The following NAALADL2 variants were observed in gnomAD, a reference collection of about 807,000 sequenced individuals.
The protein encoded by NAALADL2 is inactive N-acetylated-alpha-linked acidic dipeptidase-like protein 2.
Under a neutral mutation model 87.2 loss-of-function variants are expected in NAALADL2, and 76 were observed. The observed-to-expected ratio is 0.87, with a 90% CI of 0.72 to 1.05. The LOEUF (loss-of-function observed/expected upper bound fraction) is 1.05, where lower values mean the gene tolerates loss of function less well. NAALADL2 is among the 50% of genes least tolerant of loss of function. NAALADL2 has a pLI of 0.00. For missense variants in NAALADL2, 1,089 were observed against 945.8 expected, an observed-to-expected ratio of 1.15 and a Z score of -1.99; for synonymous variants, 354 against 331.0, an observed-to-expected ratio of 1.07 and a Z score of -0.75.
intron 12 of NAALADL2, among the ~76,000 whole-genome samples, chr3:175,754,717 A>C (rs1747036160): frequency 6.6e-6 from 1 of 152,218 alleles, no homozygotes; most frequent in South Asian, 2.1e-4. Flanking sequence ...CAGAAAGATC[A>C]AACTTCTAAT....
At chr3:175,623,021 A>C (rs1481001116) in intron 10 of NAALADL2, among the ~76,000 whole-genome samples, 1 of 152,086 alleles carries the variant, frequency 6.6e-6, no homozygotes. Context: ...ATTTAGATGA[A>C]ATAGACAAAT....
chr3:175,201,927 G>T (rs1265418019), intron 2 of NAALADL2, among the ~76,000 whole-genome samples: 2 of 151,996 alleles, frequency 1.3e-5, no homozygotes, highest in Non-Finnish European at 2.9e-5. Context: ...GAATACACTT[G>T]ATTTTATCAA....
chr3:174,629,308 G>A (rs1471740619), intron 2 of NAALADL2, among the ~76,000 whole-genome samples: 1 of 152,192 alleles, frequency 6.6e-6, no homozygotes, highest in Non-Finnish European at 1.5e-5. Flanking sequence ...ATGCCCTTAT[G>A]ATGAGGTCTG....
Position 174,468,948 on chromosome 3 carries a change from T to G in NAALADL2, c.-184+27916T>G, listed in dbSNP as rs1475226804. The stretch of plus-strand genomic sequence containing the variant: ...TGGCTAAATTTTGTACTTGTAGTAG[T>G]GACGGGGTTTCACCATGTTGGCCAG... On this transcript the variant is annotated intron_variant, in intron 1 of 3. Transcript: ENST00000434257. Among the ~76,000 whole-genome samples the G allele has an allele frequency of 2.0e-5, 3 of 148,400 alleles. No individual in the cohort carries two copies. In the East Asian group the frequency reaches 6.2e-4, roughly 31 times the overall value.
At chr3:174,651,374 G>A (rs987054797) in intron 2 of NAALADL2, among the ~76,000 whole-genome samples, 1 of 152,118 alleles carries the variant, frequency 6.6e-6, no homozygotes, top group African/African-American at 2.4e-5. Flanking sequence ...ACTTGGAGTG[G>A]ATACATGCTA....
intron 1 of NAALADL2, among the ~76,000 whole-genome samples, chr3:174,980,680 A>T (rs746163187): frequency 5.9e-5 from 9 of 152,214 alleles, no homozygotes; most frequent in Admixed American, 5.2e-4. Flanking sequence ...TTTTTAAATT[A>T]GAATATTTGT....
chr3:175,225,689 G>T (rs1384215786), intron 2 of NAALADL2, among the ~76,000 whole-genome samples: 1 of 151,864 alleles, frequency 6.6e-6, no homozygotes, highest in Non-Finnish European at 1.5e-5. Context: ...TCACTTACTT[G>T]AAAAAAATAG....
intron 10 of NAALADL2, among the ~76,000 whole-genome samples, chr3:175,626,334 T>C (rs941101507): frequency 6.6e-6 from 1 of 151,984 alleles, no homozygotes; most frequent in African/African-American, 2.4e-5. Flanking sequence ...ATTGAAAATA[T>C]GTCCATGTCA....
At chr3:174,721,105 T>TAA (rs1731671559) in intron 2 of NAALADL2, among the ~76,000 whole-genome samples, 1 of 151,692 alleles carries the variant, frequency 6.6e-6, no homozygotes, top group Non-Finnish European at 1.5e-5. Flanking sequence ...AATAATAAAA[T>TAA]GAGTACCCTA....
intron 1 of NAALADL2, among the ~76,000 whole-genome samples, chr3:174,962,379 T>TATATATATATATGTCATAGTGACTATGAC (rs1560417074): frequency 1.1e-4 from 11 of 102,588 alleles, no homozygotes; most frequent in African/African-American, 7.8e-4. Context: ...GACATATATA[T>TATATATATATATGTCATAGTGACTATGAC]ATATATATAT....
chr3:175,160,326 T>G (rs1434883110), intron 2 of NAALADL2, among the ~76,000 whole-genome samples: 3 of 148,300 alleles, frequency 2.0e-5, no homozygotes, highest in African/African-American at 7.3e-5. Flanking sequence ...AAGTAAAATT[T>G]TAAAAATATA....
At chr3:175,609,509 T>C (rs934771698) in intron 10 of NAALADL2, 14 of 152,162 alleles carry the variant, frequency 9.2e-5, no homozygotes, top group African/African-American at 3.4e-4. Flanking sequence ...TCGTAGCCAA[T>C]GAGGTTTATC....
intron 11 of NAALADL2, among the ~76,000 whole-genome samples, chr3:175,708,245 A>G (rs1740010881): frequency 6.6e-6 from 1 of 152,130 alleles, no homozygotes; most frequent in Non-Finnish European, 1.5e-5. Context: ...AAAGTTCCTG[A>G]AAAGTTGTGA....
chr3:174,578,392 T>C (rs1715785838), intron 2 of NAALADL2, among the ~76,000 whole-genome samples: 1 of 151,848 alleles, frequency 6.6e-6, no homozygotes, highest in Non-Finnish European at 1.5e-5. Context: ...ACATTATATA[T>C]AGAGAAAAGA....
At chr3:175,040,499 G>GT (rs1157938008) in intron 1 of NAALADL2, among the ~76,000 whole-genome samples, 1 of 152,138 alleles carries the variant, frequency 6.6e-6, no homozygotes, top group Non-Finnish European at 1.5e-5. Flanking sequence ...TCAGTGCAGT[G>GT]TAAGGGACAA....
Position 174,859,453 on chromosome 3 carries a change from A to G in NAALADL2, c.43+3A>G. The G allele has an allele frequency of 1.2e-6, 2 of 1,608,274 alleles. No homozygotes were observed. Among genetic ancestry groups the G allele is most frequent in the Non-Finnish European group, 1.7e-6 (2 of 1,175,936 alleles). ...TTTACCTAACACGTCTTTGCAAGGT[A>G]AGTACCAACAGCCTATGAACTTTTC... On this transcript the variant is annotated splice_donor_region_variant and intron_variant, in intron 1 of 13. Coordinates refer to ENST00000454872, the MANE Select transcript of NAALADL2 (RefSeq NM_207015.3).
chr3:174,558,443 A>C (rs1278200499), intron 2 of NAALADL2, among the ~76,000 whole-genome samples: 2 of 152,092 alleles, frequency 1.3e-5, no homozygotes, highest in South Asian at 2.1e-4. Context: ...CATAATGTAC[A>C]ATCAGTGGGA....
intron 2 of NAALADL2, among the ~76,000 whole-genome samples, chr3:175,133,532 C>T (rs1051961527): frequency 1.3e-5 from 2 of 152,214 alleles, no homozygotes; most frequent in Non-Finnish European, 2.9e-5. Flanking sequence ...CCAGCCCGGT[C>T]AACACAGCGA....
At chr3:175,599,425 G>A (rs1722667370) in intron 10 of NAALADL2, among the ~76,000 whole-genome samples, 1 of 151,984 alleles carries the variant, frequency 6.6e-6, no homozygotes, top group Non-Finnish European at 1.5e-5. Flanking sequence ...TTCTTTGAAA[G>A]TTTAAGTAGC....
Sources: allele counts gnomAD v4.1 joint callset (sites outside exome capture counted in the v4.1 genomes callset), GRCh38; gene constraint gnomAD v4.1.1; transcripts MANE v1.5; gene names NCBI Gene and HGNC (gene_info 2026-07-23, HGNC 2026-07-21).